Variants in LRP1 observed in about 807,000 individuals in gnomAD.
LRP1 encodes the protein LDL receptor related protein 1, also known as prolow-density lipoprotein receptor-related protein 1.
LRP1 carries 51 observed loss-of-function variants against 541.5 expected under a neutral mutation model. The ratio of observed to expected loss-of-function variants is 0.09; its 90% CI spans 0.08 to 0.12. LRP1 has a LOEUF of 0.12. LRP1 is among the 10% of genes least tolerant of loss of function. LRP1 has a pLI of 1.00. For missense variants in LRP1, 3,878 were observed against 6,376.2 expected (o/e 0.61, Z 13.34); for synonymous variants, 2,219 against 2,470.8 (o/e 0.90, Z 3.02).
At chr12:57,134,954 T>C (rs2035125305) in intron 1 of LRP1, among the ~76,000 whole-genome samples, 1 of 152,128 alleles carries the variant, frequency 6.6e-6, no homozygotes. Flanking sequence ...ATCTGCCTGC[T>C]TCGGCCTCCC....
chr12:57,199,206 C>T lies in LRP1; in HGVS notation c.9677-6C>T. On this transcript the variant is annotated splice_polypyrimidine_tract_variant and splice_region_variant and intron_variant, in intron 60 of 88. Transcript: ENST00000243077. Reference sequence around the variant, plus strand: ...CTGGCACTGTGCCTGCCCCTTGGCCCTGCAGTGCTGAGCCAGGACATCCCG... The same window carrying T: ...CTGGCACTGTGCCTGCCCCTTGGCCTTGCAGTGCTGAGCCAGGACATCCCG... 11 of 1,612,568 alleles carry T rather than the reference C, an allele frequency of 6.8e-6. No individual in the cohort carries two copies. Among genetic ancestry groups the T allele is most frequent in the Non-Finnish European group, 9.3e-6 (11 of 1,179,596 alleles).
chr12:57,146,540 C>G (rs2035409827), intron 6 of LRP1: 1 of 152,176 alleles, frequency 6.6e-6, no homozygotes, highest in Admixed American at 6.5e-5. Flanking sequence ...AAAGAAAGAT[C>G]CCAGGAGGTT....
intron 82 of LRP1, 107 bp downstream of exon 82, chr12:57,210,587 T>A (rs1592666796): frequency 2.5e-6 from 3 of 1,220,348 alleles, no homozygotes; most frequent in South Asian, 1.9e-5. Context: ...GCCTCCAGCC[T>A]CCTTTCCACA....
intron 1 of LRP1, among the ~76,000 whole-genome samples, chr12:57,130,655 C>A (rs534634091): frequency 6.6e-6 from 1 of 152,076 alleles, no homozygotes; most frequent in East Asian, 1.9e-4. Flanking sequence ...CATCAGGAGC[C>A]CCTTGAAGGA....
rs140971284 is a variant in LRP1 at position 57,205,347 on chromosome 12, A to G, written c.11336-4A>G. ...GGAGGGCATCCACTCTCTGTCCCCCACAGACCCCAAGCTGACCAGCTGCGC... is the reference window on the plus strand; with the variant it reads ...GGAGGGCATCCACTCTCTGTCCCCCGCAGACCCCAAGCTGACCAGCTGCGC... On this transcript the variant is annotated splice_region_variant and splice_polypyrimidine_tract_variant and intron_variant, in intron 73 of 88. Coordinates refer to ENST00000243077, the MANE Select transcript of LRP1 (RefSeq NM_002332.3). The surrounding 1 kb of genome is among the most constrained non-coding windows in gnomAD (Gnocchi z 4.6). The G allele has an allele frequency of 3.1e-4, 502 of 1,601,736 alleles. No homozygotes were observed. In the African/African-American group the frequency reaches 5.7e-3, roughly 18 times the overall value.
chr12:57,196,851 G>C lies in LRP1; in HGVS notation c.8893-131G>C, dbSNP rs1019780497. 4.1e-6 allele frequency: 3 copies of C among 724,860 alleles called. No homozygotes were observed. The African/African-American group carries it at 5.3e-5, about 13-fold the overall frequency. The allele number at this position is 724,860 out of a possible 1,614,324, so 44.9% of individuals were successfully genotyped here. A position where few individuals can be genotyped will look rare whatever the true frequency, so the allele number is the denominator to read the frequency against. On this transcript the variant is annotated intron_variant, in intron 55 of 88. Coordinates refer to ENST00000243077, the MANE Select transcript of LRP1 (RefSeq NM_002332.3). Reference sequence around the variant, plus strand: ...GGCCTGCACTGTGGGCCAGCTGGGTGGGCTCAGTACCCATATGCTGCTGCC... The same window carrying C: ...GGCCTGCACTGTGGGCCAGCTGGGTCGGCTCAGTACCCATATGCTGCTGCC...
At position 57,178,236 on chromosome 12, in the gene LRP1, G is replaced by A. The variant is rs2036089380; in HGVS notation, c.4362-123G>A. 1 of 1,158,408 alleles carries A rather than the reference G, an allele frequency of 8.6e-7. No homozygotes were observed. The highest frequency in any genetic ancestry group is 2.4e-5 in the Admixed American group (1 of 41,906). The allele number at this position is 1,158,408 out of a possible 1,614,324, so 71.8% of individuals were successfully genotyped here. A position where few individuals can be genotyped will look rare whatever the true frequency, so the allele number is the denominator to read the frequency against. On this transcript the variant is annotated intron_variant, in intron 26 of 88. Coordinates refer to ENST00000243077, the MANE Select transcript of LRP1 (RefSeq NM_002332.3). This position sits in a 1 kb window ranked among gnomAD's most constrained non-coding sequence, Gnocchi z 5.8. ...CTCTGGCCAGCAAGGCTTAGGGGAG[G>A]GAATGGTCCCATGCTCTTCGCTGGG...
rs768287811 is a variant in LRP1, at chr12:57,145,355, A to G, written c.706A>G (p.Ser236Gly). Residue 236 changes from serine to glycine, a missense_variant, in exon 6 of 89, where the codon AGC becomes GGC. Coordinates refer to ENST00000243077, the MANE Select transcript of LRP1 (RefSeq NM_002332.3). ...GCGGCAGACCACAGCCATGGACTTCAGCTATGCCAACGAGACCGTATGCTG... is the reference window on the plus strand; with the variant it reads ...GCGGCAGACCACAGCCATGGACTTCGGCTATGCCAACGAGACCGTATGCTG... ...STRQTTAMDF[S>G]YANETVCWVH... is the part of the protein sequence containing the mutation. The G allele has an allele frequency of 6.2e-7, 1 of 1,614,186 alleles. No individual in the cohort carries two copies. The highest frequency in any genetic ancestry group is 1.1e-5 in the South Asian group (1 of 91,076).
At position 57,205,162 on chromosome 12, in the gene LRP1, C is replaced by T. The variant is rs769600453; in HGVS notation, c.11248C>T (p.Arg3750Trp). Reference sequence around the variant, plus strand: ...CAAAGACAAGAAGGAGTTTCTGTGCCGGAACCAGCGCTGCCTCTCCTCCTC... The same window carrying T: ...CAAAGACAAGAAGGAGTTTCTGTGCTGGAACCAGCGCTGCCTCTCCTCCTC... ...HCKDKKEFLC[R>W]NQRCLSSSLR... Residue 3750 changes from arginine to tryptophan, a missense_variant, in exon 73 of 89, where the codon CGG (arginine) becomes TGG (tryptophan). Physicochemically the swap from Arg to Trp is moderately radical, Grantham distance 101. Around this residue, in one of 13 missense-constraint regions of LRP1, gnomAD observed 871 missense variants for 1,212.4 expected, o/e 0.72. Transcript: ENST00000243077. This position sits in a 1 kb window ranked among gnomAD's most constrained non-coding sequence, Gnocchi z 4.6. 3.4e-5 allele frequency: 55 copies of T among 1,613,838 alleles called. No individual in the cohort carries two copies. In the Middle Eastern group the frequency reaches 1.2e-3, roughly 34 times the overall value.
Position 57,165,970 on chromosome 12 carries a change from C to T in LRP1, c.2671+25C>T. 2 of 1,613,372 alleles carry T rather than the reference C, an allele frequency of 1.2e-6. No individual in the cohort carries two copies. Among genetic ancestry groups the T allele is most frequent in the Non-Finnish European group, 1.7e-6 (2 of 1,179,346 alleles). On this transcript the variant is annotated intron_variant, in intron 16 of 88. Coordinates refer to ENST00000243077, the MANE Select transcript of LRP1 (RefSeq NM_002332.3). The surrounding 1 kb of genome is among the most constrained non-coding windows in gnomAD (Gnocchi z 4.5). ...CGTGAGTCACACGCCCTGCCCCACC[C>T]TGTTGGATGGCAGGCCTGCAGGGCA...
rs765991130 is a variant in LRP1 at position 57,208,065 on chromosome 12, A to G, written c.11887A>G (p.Ile3963Val). 6.2e-7 allele frequency: 1 copy of G among 1,614,142 alleles called. No individual in the cohort carries two copies. The highest frequency in any genetic ancestry group is 1.3e-5 in the African/African-American group (1 of 75,062). Residue 3963 changes from isoleucine to valine, a missense_variant, in exon 77 of 89, where the codon ATC becomes GTC. By Grantham distance (29) the Ile-to-Val change is conservative (BLOSUM62 3). Transcript: ENST00000243077. ...NISGLKMPRGIAIDWVAGNVY... is the reference protein window; with the variant it reads ...NISGLKMPRGVAIDWVAGNVY... Reference sequence around the variant, plus strand: ...TTCAGGGCTGAAGATGCCCAGAGGCATCGCCATCGACTGGGTGGCCGGAAA... The same window carrying G: ...TTCAGGGCTGAAGATGCCCAGAGGCGTCGCCATCGACTGGGTGGCCGGAAA...
Position 57,184,116 on chromosome 12 carries a change from T to C in LRP1, c.5961T>C (p.Asp1987=), listed in dbSNP as rs768478876. 1.9e-6 allele frequency: 3 copies of C among 1,614,090 alleles called. No homozygotes were observed. The highest frequency in any genetic ancestry group is 1.1e-5 in the South Asian group (1 of 91,084). Residue 1987 remains aspartate, a synonymous_variant, in exon 37 of 89, where the codon GAT becomes GAC. Coordinates refer to ENST00000243077, the MANE Select transcript of LRP1 (RefSeq NM_002332.3). The surrounding 1 kb of genome is among the most constrained non-coding windows in gnomAD (Gnocchi z 7.8). The part of the protein sequence containing the change: ...GNIYWTDQGF[D]VIEVARLNGS... ...TCTACTGGACAGACCAGGGCTTTGATGTCATCGAGGTCGCCCGGCTCAATG... is the reference window on the plus strand; with the variant it reads ...TCTACTGGACAGACCAGGGCTTTGACGTCATCGAGGTCGCCCGGCTCAATG...
chr12:57,197,184 G>A lies in LRP1; in HGVS notation c.9076+19G>A, dbSNP rs767013723. On this transcript the variant is annotated intron_variant, in intron 56 of 88. Transcript: ENST00000243077. This position sits in a 1 kb window ranked among gnomAD's most constrained non-coding sequence, Gnocchi z 4.5. ...GTGACTGGTGAGATGCGCGCTTGGA[G>A]GGCATGAGGTGACCCAGGCTGTGTG... The A allele has an allele frequency of 3.1e-6, 5 of 1,613,930 alleles. No individual in the cohort carries two copies. The highest frequency in any genetic ancestry group is 4.5e-5 in the East Asian group (2 of 44,884).
chr12:57,209,226 C>G, intron 79 of LRP1, 27 bp downstream of exon 79: 3 of 1,573,298 alleles, frequency 1.9e-6, no homozygotes, highest in Non-Finnish European at 2.6e-6. Flanking sequence ...AGTCGCAGTC[C>G]CCAGCCCTGT....
At chr12:57,193,427 A>T (rs2036458209) in intron 46 of LRP1, 123 bp downstream of exon 46, 2 of 1,510,368 alleles carry the variant, frequency 1.3e-6, no homozygotes, top group Non-Finnish European at 1.8e-6. Context: ...TTGGGAGCTC[A>T]TGAAGGGCAG....
rs1484055333 is a variant in LRP1, at chr12:57,179,082, C to T, written c.4738+61C>T. Reference sequence around the variant, plus strand: ...GAGGCTGGAGGGAAGGCCGCAGGCCCCAGGATCCCGGTTGTCAGCTAAGGC... The same window carrying T: ...GAGGCTGGAGGGAAGGCCGCAGGCCTCAGGATCCCGGTTGTCAGCTAAGGC... On this transcript the variant is annotated intron_variant, in intron 28 of 88. Coordinates refer to ENST00000243077, the MANE Select transcript of LRP1 (RefSeq NM_002332.3). The surrounding 1 kb of genome is among the most constrained non-coding windows in gnomAD (Gnocchi z 6.8). 3.2e-6 allele frequency: 5 copies of T among 1,572,720 alleles called. No individual in the cohort carries two copies. Among genetic ancestry groups the T allele is most frequent in the Non-Finnish European group, 4.3e-6 (5 of 1,161,524 alleles).
chr12:57,175,444 C>T lies in LRP1; in HGVS notation c.3548-16C>T, dbSNP rs375649791. On this transcript the variant is annotated splice_polypyrimidine_tract_variant and intron_variant, in intron 22 of 88. Transcript: ENST00000243077. ...CTTCTGACCCTGGGTCTGTTCCATG[C>T]CTGCCCCTCCCCTAGACCAGTGCTC... is the stretch of plus-strand genomic sequence containing the variant. 4 of 1,611,546 alleles carry T rather than the reference C, an allele frequency of 2.5e-6. No homozygotes were observed. Among genetic ancestry groups the T allele is most frequent in the Non-Finnish European group, 3.4e-6 (4 of 1,180,018 alleles).
In LRP1 at chr12:57,209,825, C is replaced by T. The variant is rs750194742; in HGVS notation, c.12396C>T (p.His4132=). ...PLVNLTGGLS[H]ASDVVLYHQH... ...TCAACCTGACAGGGGGCCTGAGCCA[C>T]GCCTCTGACGTGGTCCTTTACCATC... Residue 4132 remains histidine, a synonymous_variant, in exon 80 of 89, where the codon CAC becomes CAT. Transcript: ENST00000243077. 1.5e-5 allele frequency: 24 copies of T among 1,614,102 alleles called. No homozygotes were observed. The Admixed American group carries it at 1.7e-4, about 11-fold the overall frequency.
chr12:57,129,128 G>T, intron 1 of LRP1, 97 bp downstream of exon 1: 5 of 1,303,120 alleles, frequency 3.8e-6, no homozygotes, highest in Non-Finnish European at 5.4e-6. Flanking sequence ...GCGGGAGGGG[G>T]TGCCTTTTGT....
Sources: allele counts gnomAD v4.1 joint callset (sites outside exome capture counted in the v4.1 genomes callset), GRCh38; gene constraint gnomAD v4.1.1; regional missense constraint gnomAD v4.1.1; non-coding constraint Gnocchi (gnomAD v3.1); transcripts MANE v1.5; gene names NCBI Gene and HGNC (gene_info 2026-07-23, HGNC 2026-07-21).